The following FHL1 variants were observed in gnomAD, a reference collection of about 807,000 sequenced individuals.
FHL1 encodes four and a half LIM domains protein 1.
A neutral mutation model predicts 20.3 loss-of-function variants in FHL1; 1 was observed. The ratio of observed to expected loss-of-function variants is 0.05; its 90% CI spans 0.02 to 0.23. The LOEUF (loss-of-function observed/expected upper bound fraction) is 0.23, where lower values mean the gene tolerates loss of function less well. Among genes scored for constraint, FHL1 ranks in the 10% least tolerant of loss-of-function variants. The pLI, the probability that FHL1 is intolerant of heterozygous loss-of-function variation, is 1.00. For missense variants in FHL1, 177 were observed against 234.0 expected, an observed-to-expected ratio of 0.76 and a Z score of 1.59; for synonymous variants, 82 against 88.9, an observed-to-expected ratio of 0.92 and a Z score of 0.44.
chrX:136,199,958 GAAAAA>G (rs2073663968), intron 1 of FHL1, among the ~76,000 whole-genome samples: 1 of 111,311 alleles, frequency 9.0e-6, no homozygotes, highest in Non-Finnish European at 1.9e-5. Flanking sequence ...TAGTAAAAAA[GAAAAA>G]AGAAAAAAAC....
chrX:136,202,614 G>A (rs1047001204), intron 1 of FHL1, among the ~76,000 whole-genome samples: 1 of 110,559 alleles, frequency 9.0e-6, no homozygotes, highest in African/African-American at 3.3e-5. Context: ...AAATTAGCTG[G>A]GTGTGGTGTC....
In FHL1 at chrX:136,210,625, G is replaced by A. The variant is rs761793804; in HGVS notation, c.*600G>A. On this transcript the variant is annotated 3_prime_UTR_variant, in exon 6 of 6. Transcript: ENST00000370683. ...TGTAATTCTAAACTGACCTTTCCCC[G>A]TACTAACGTTTGGTTTCCCCGTGTG... The A allele has an allele frequency of 2.1e-5, 8 of 388,330 alleles. No individual in the cohort carries two copies. The highest frequency in any genetic ancestry group is 7.3e-4 in the Middle Eastern group (1 of 1,362). The allele number at this position is 388,330 out of a possible 1,213,427, so 32.0% of individuals were successfully genotyped here.
chrX:136,179,692 G>A (rs768883952), intron 2 of FHL1, among the ~76,000 whole-genome samples: 3 of 111,811 alleles, frequency 2.7e-5, no homozygotes, highest in Admixed American at 1.9e-4. Context: ...TAGCATTACC[G>A]TGGTATTACA....
At chrX:136,185,429 T>C (rs1453723355) in intron 2 of FHL1, among the ~76,000 whole-genome samples, 1 of 112,462 alleles carries the variant, frequency 8.9e-6, no homozygotes, top group African/African-American at 3.2e-5. Context: ...GCCAGTGTAC[T>C]TAATTTTAAA....
intron 2 of FHL1, among the ~76,000 whole-genome samples, chrX:136,187,748 G>A (rs2073343704): frequency 8.9e-6 from 1 of 111,845 alleles, no homozygotes; most frequent in African/African-American, 3.2e-5. Flanking sequence ...GATTTCTTTG[G>A]GGGTGATGAA....
At chrX:136,200,867 A>G (rs964779538) in intron 1 of FHL1, among the ~76,000 whole-genome samples, 1 of 111,698 alleles carries the variant, frequency 9.0e-6, no homozygotes, top group Non-Finnish European at 1.9e-5. Flanking sequence ...TTTATTAAAA[A>G]CTTTTAGAGC....
upstream of FHL1, chrX:136,147,131 G>T (rs1480548575): frequency 9.8e-6 from 2 of 205,117 alleles, no homozygotes; most frequent in African/African-American, 3.0e-5. Context: ...TCTAAGGACC[G>T]CTGCGCGAGG....
rs185772538 is a variant in FHL1 at position 136,154,112 on chromosome X, G to T, written c.-101+6484G>T. ...GGGGTCAAGCACCTAATGTGCTAAC[G>T]TCAGAGTTCCAGCTTGAATTTTTAG... On this transcript the variant is annotated intron_variant, in intron 1 of 7. Transcript: ENST00000394155. 3.5e-4 allele frequency among the ~76,000 whole-genome samples: 39 copies of T among 112,317 alleles called. 1 individual carries two copies. Among genetic ancestry groups the T allele is most frequent in the Middle Eastern group, 4.6e-3 (1 of 218 alleles).
At chrX:136,149,344 G>C (rs755858181) in intron 1 of FHL1, among the ~76,000 whole-genome samples, 3 of 112,426 alleles carry the variant, frequency 2.7e-5, no homozygotes, top group African/African-American at 6.5e-5. Flanking sequence ...AGAAGAATAC[G>C]TATTAAGCAG....
chrX:136,209,073 T>C, intron 5 of FHL1: 1 of 458,032 alleles, frequency 2.2e-6, no homozygotes, highest in Non-Finnish European at 3.6e-6. Flanking sequence ...GGGTTTCTTT[T>C]TTTTTTGGTT....
intron 1 of FHL1, among the ~76,000 whole-genome samples, chrX:136,198,660 A>G (rs948536298): frequency 3.6e-5 from 4 of 112,204 alleles, no homozygotes; most frequent in African/African-American, 1.3e-4. Context: ...AAGCTAGGAT[A>G]ATTGGATCCA....
intron 1 of FHL1, among the ~76,000 whole-genome samples, chrX:136,152,719 CAAAAAA>C (rs768022110): frequency 0.019 from 1,022 of 52,995 alleles, 19 homozygotes; most frequent in African/African-American, 0.072. Context: ...GACTCCATCT[CAAAAAA>C]AAAAAAAAAA....
chrX:136,209,843 C>T (rs772286355), intron 5 of FHL1, 28 bp from the exon 6 acceptor site: 1 of 1,197,476 alleles, frequency 8.4e-7, no homozygotes, highest in Non-Finnish European at 1.1e-6. Context: ...CTCTTGTTTT[C>T]TTTTCTTTTC....
intron 1 of FHL1, chrX:136,147,733 C>T (rs955471596): frequency 9.1e-6 from 1 of 109,430 alleles, no homozygotes; most frequent in Non-Finnish European, 1.9e-5. Flanking sequence ...GCCGCCGCCG[C>T]TCGGGGCTGG....
At chrX:136,169,265 A>G, upstream of FHL1, 1 of 120,982 alleles carries the variant, frequency 8.3e-6, no homozygotes, top group South Asian at 2.8e-4. Flanking sequence ...AGCGGGCCAT[A>G]TTTGTGTCAG....
intron 2 of FHL1, among the ~76,000 whole-genome samples, chrX:136,178,476 G>A (rs764827132): frequency 9.1e-4 from 101 of 111,214 alleles, no homozygotes; most frequent in African/African-American, 3.1e-3. Context: ...CACGCCTGTA[G>A]TCCCAGCTAC....
chrX:136,171,883 G>T (rs5929734), intron 2 of FHL1, among the ~76,000 whole-genome samples: 1,199 of 59,341 alleles, frequency 0.02, 15 homozygotes, highest in Non-Finnish European at 0.034. Context: ...ATTTTTTATT[G>T]ATTTATTTTT....
chrX:136,197,890 TAA>T (rs893225752), intron 1 of FHL1, among the ~76,000 whole-genome samples: 2 of 111,260 alleles, frequency 1.8e-5, no homozygotes, highest in Non-Finnish European at 3.8e-5. Flanking sequence ...TTGGGGCTGG[TAA>T]AGTCAGACGG....
At chrX:136,203,392 G>GA (rs1273393663) in intron 1 of FHL1, among the ~76,000 whole-genome samples, 3 of 112,049 alleles carry the variant, frequency 2.7e-5, no homozygotes, top group Non-Finnish European at 5.6e-5. Context: ...AACTCAGAGT[G>GA]AAAAAATCTT....
Sources: allele counts gnomAD v4.1 joint callset (sites outside exome capture counted in the v4.1 genomes callset), GRCh38; gene constraint gnomAD v4.1.1; transcripts MANE v1.5; gene names NCBI Gene and HGNC (gene_info 2026-07-23, HGNC 2026-07-21).